The following TP63 variants were observed in gnomAD, a reference collection of about 807,000 sequenced individuals.
TP63 encodes the protein tumor protein p63.
In TP63, 17 loss-of-function variants were observed where a neutral mutation model predicts 82.8. The ratio of observed to expected loss-of-function variants is 0.21; its 90% CI spans 0.14 to 0.31. The LOEUF is 0.31. Among genes scored for constraint, TP63 ranks in the 10% least tolerant of loss-of-function variants. The pLI, the probability that TP63 is intolerant of heterozygous loss-of-function variation, is 1.00. For synonymous variants in TP63, 330 were observed against 321.7 expected (o/e 1.03, Z -0.28); for missense variants, 648 against 895.3 (o/e 0.72, Z 3.52).
At chr3:189,675,400 G>C (rs939019207) in intron 1 of TP63, among the ~76,000 whole-genome samples, 1 of 151,900 alleles carries the variant, frequency 6.6e-6, no homozygotes, top group African/African-American at 2.4e-5. Flanking sequence ...CTGTCTATAG[G>C]TCATTTTAAA....
At chr3:189,803,461 T>C (rs1346361618) in intron 3 of TP63, among the ~76,000 whole-genome samples, 1 of 152,222 alleles carries the variant, frequency 6.6e-6, no homozygotes, top group Non-Finnish European at 1.5e-5. Context: ...GTCATCAACT[T>C]TAAGTAAATA....
At chr3:189,886,064 A>T (rs1403499517) in intron 10 of TP63, among the ~76,000 whole-genome samples, 1 of 152,158 alleles carries the variant, frequency 6.6e-6, no homozygotes, top group African/African-American at 2.4e-5. Flanking sequence ...AACTCATTTG[A>T]GTTGAAGGGA....
chr3:189,716,301 C>G (rs1356066231), intron 1 of TP63, among the ~76,000 whole-genome samples: 1 of 151,970 alleles, frequency 6.6e-6, no homozygotes, highest in Non-Finnish European at 1.5e-5. Flanking sequence ...GAGATCAAAC[C>G]CCAGGGGATA....
chr3:189,749,385 T>C (rs1246898735), intron 3 of TP63, among the ~76,000 whole-genome samples: 2 of 152,054 alleles, frequency 1.3e-5, no homozygotes, highest in Non-Finnish European at 2.9e-5. Context: ...CATCAAAAGA[T>C]ATGAAAAGAC....
At chr3:189,847,736 T>G (rs924192411) in intron 4 of TP63, among the ~76,000 whole-genome samples, 1 of 152,292 alleles carries the variant, frequency 6.6e-6, no homozygotes, top group Non-Finnish European at 1.5e-5. Context: ...CTTAAAGCAA[T>G]GAGTGGGCAT....
chr3:189,847,224 G>A (rs1328326299), intron 4 of TP63, among the ~76,000 whole-genome samples: 4 of 152,098 alleles, frequency 2.6e-5, no homozygotes, highest in Non-Finnish European at 1.5e-5. Flanking sequence ...TAGGTGTGGT[G>A]GCGGGCGCCT....
intron 3 of TP63, among the ~76,000 whole-genome samples, chr3:189,751,742 T>G (rs1721836940): frequency 6.6e-6 from 1 of 152,208 alleles, no homozygotes. Context: ...ATGGGTAGAT[T>G]GCAAAAATTT....
intron 1 of TP63, among the ~76,000 whole-genome samples, chr3:189,703,427 A>AATAGATAGATAGATAC (rs1717962307): frequency 1.4e-5 from 2 of 143,258 alleles, no homozygotes; most frequent in East Asian, 4.2e-4. Flanking sequence ...CCCTGTCTAA[A>AATAGATAGATAGATAC]ATAGATAGAT....
chr3:189,674,834 G>A (rs999161867), intron 1 of TP63, among the ~76,000 whole-genome samples: 2 of 152,128 alleles, frequency 1.3e-5, no homozygotes, highest in East Asian at 1.9e-4. Flanking sequence ...TCAGAAATGA[G>A]CTAAGGTGAT....
chr3:189,668,855 A>AAAAT (rs1714637806), intron 1 of TP63, among the ~76,000 whole-genome samples: 1 of 152,118 alleles, frequency 6.6e-6, no homozygotes, highest in Admixed American at 6.6e-5. Flanking sequence ...TCTAAAAACA[A>AAAAT]AAATACATAA....
chr3:189,850,331 C>T (rs565607497), intron 4 of TP63, among the ~76,000 whole-genome samples: 19 of 151,896 alleles, frequency 1.3e-4, no homozygotes, highest in African/African-American at 3.6e-4. Flanking sequence ...TTATTTCTAA[C>T]GTAAAAAAAG....
intron 4 of TP63, among the ~76,000 whole-genome samples, chr3:189,862,777 A>G (rs9852291): frequency 0.032 from 4,807 of 152,298 alleles, 248 homozygotes; most frequent in African/African-American, 0.11. Context: ...TCTAGATTTC[A>G]TTCAGTGTTT....
chr3:189,818,694 A>G (rs1728460376), intron 4 of TP63, among the ~76,000 whole-genome samples: 1 of 152,146 alleles, frequency 6.6e-6, no homozygotes, highest in Non-Finnish European at 1.5e-5. Flanking sequence ...ATTTTTAATG[A>G]TATTACTTAA....
At chr3:189,692,667 C>T (rs1717031130) in intron 1 of TP63, among the ~76,000 whole-genome samples, 1 of 152,028 alleles carries the variant, frequency 6.6e-6, no homozygotes, top group South Asian at 2.1e-4. Flanking sequence ...ACTCTATGAA[C>T]AACTGAGCAA....
At chr3:189,604,117 G>T in the TP63 span, among the ~76,000 whole-genome samples, 1 of 152,150 alleles carries the variant, frequency 6.6e-6, no homozygotes, top group African/African-American at 2.4e-5. Context: ...GGTCGTTGAA[G>T]TCAGACAATT....
the TP63 span, among the ~76,000 whole-genome samples, chr3:189,615,939 A>G: frequency 6.6e-6 from 1 of 152,218 alleles, no homozygotes; most frequent in East Asian, 1.9e-4. Context: ...GGAGAAAAGC[A>G]GGGCTTGACT....
intron 10 of TP63, among the ~76,000 whole-genome samples, chr3:189,885,817 A>G (rs1459067300): frequency 3.3e-5 from 5 of 152,204 alleles, no homozygotes; most frequent in African/African-American, 9.7e-5. Flanking sequence ...GTTCTCTCAT[A>G]CATCATGAAC....
At chr3:189,676,894 C>T (rs1182965352) in intron 1 of TP63, among the ~76,000 whole-genome samples, 2 of 152,006 alleles carry the variant, frequency 1.3e-5, no homozygotes, top group South Asian at 2.1e-4. Flanking sequence ...TTGTCTTCCA[C>T]GAAACTGGTC....
At chr3:189,840,716 G>A (rs949822884) in intron 4 of TP63, among the ~76,000 whole-genome samples, 1 of 151,650 alleles carries the variant, frequency 6.6e-6, no homozygotes, top group African/African-American at 2.4e-5. Context: ...AAATTAGCCG[G>A]GTGTAGTGGC....
Sources: gnomAD v4.1 joint callset for allele counts (sites outside exome capture counted in the v4.1 genomes callset) on GRCh38, gnomAD v4.1.1 for gene constraint, MANE v1.5 for transcripts, NCBI Gene and HGNC (gene_info 2026-07-23, HGNC 2026-07-21) for gene names.